Variants in SDK1 observed in about 807,000 individuals in gnomAD.
The protein encoded by SDK1 is sidekick cell adhesion molecule 1, also known as protein sidekick-1.
A neutral mutation model predicts 245.5 loss-of-function variants in SDK1; 157 were observed. The observed-to-expected ratio is 0.64, with a 90% CI of 0.56 to 0.73. SDK1 has a LOEUF of 0.73. Among genes scored for constraint, SDK1 ranks in the 30% least tolerant of loss-of-function variants. The pLI, the probability that SDK1 is intolerant of heterozygous loss-of-function variation, is 0.00. For synonymous variants in SDK1, 1,647 were observed against 1,278.5 expected (o/e 1.29, Z -6.15); for missense variants, 3,583 against 3,002.3 (o/e 1.19, Z -4.52).
intron 1 of SDK1, among the ~76,000 whole-genome samples, chr7:3,490,839 C>T (rs1781843188): frequency 6.6e-6 from 1 of 152,162 alleles, no homozygotes; most frequent in Non-Finnish European, 1.5e-5. Flanking sequence ...ATATACTCTC[C>T]CTTTTCTTGG....
At chr7:3,462,133 G>A (rs1344757821) in intron 1 of SDK1, among the ~76,000 whole-genome samples, 1 of 152,128 alleles carries the variant, frequency 6.6e-6, no homozygotes, top group African/African-American at 2.4e-5. Flanking sequence ...CATTCTATCA[G>A]AATTGCTCTG....
At chr7:3,819,182 T>C (rs1330148294) in intron 4 of SDK1, among the ~76,000 whole-genome samples, 1 of 151,954 alleles carries the variant, frequency 6.6e-6, no homozygotes, top group African/African-American at 2.4e-5. Flanking sequence ...TTAATCTTCA[T>C]GATCTCCAAA....
At chr7:3,448,862 C>G (rs1780426023) in intron 1 of SDK1, among the ~76,000 whole-genome samples, 1 of 152,124 alleles carries the variant, frequency 6.6e-6, no homozygotes, top group African/African-American at 2.4e-5. Context: ...TCTCTTTGCT[C>G]AAATGTCAAA....
At chr7:3,399,652 C>T (rs1778829071) in intron 1 of SDK1, among the ~76,000 whole-genome samples, 1 of 152,102 alleles carries the variant, frequency 6.6e-6, no homozygotes, top group African/African-American at 2.4e-5. Context: ...TTATTTTCTT[C>T]ATTGTGTGGG....
At chr7:3,428,337 G>T (rs997307250) in intron 1 of SDK1, among the ~76,000 whole-genome samples, 2 of 152,182 alleles carry the variant, frequency 1.3e-5, no homozygotes, top group African/African-American at 4.8e-5. Flanking sequence ...TAATTAAACT[G>T]TGGTAACTGA....
intron 4 of SDK1, among the ~76,000 whole-genome samples, chr7:3,722,886 G>A (rs905526674): frequency 6.6e-6 from 1 of 152,188 alleles, no homozygotes; most frequent in Non-Finnish European, 1.5e-5. Flanking sequence ...CAGGACATAT[G>A]CTTTCCCCAA....
intron 21 of SDK1, among the ~76,000 whole-genome samples, chr7:4,077,751 T>C (rs1162027000): frequency 1.3e-5 from 2 of 152,124 alleles, no homozygotes; most frequent in East Asian, 3.9e-4. Context: ...TTATTCACTA[T>C]CATGAGAACA....
chr7:4,219,378 T>C (rs1785010337), intron 38 of SDK1, among the ~76,000 whole-genome samples: 1 of 152,140 alleles, frequency 6.6e-6, no homozygotes, highest in African/African-American at 2.4e-5. Context: ...AGGAAAGAGA[T>C]TTAATGGACT....
At chr7:3,769,928 CTTA>C (rs1780359143) in intron 4 of SDK1, among the ~76,000 whole-genome samples, 1 of 144,004 alleles carries the variant, frequency 6.9e-6, no homozygotes, top group Non-Finnish European at 1.5e-5. Context: ...GTTATTTGTA[CTTA>C]TTGTCTGTGT....
chr7:3,659,598 G>T (rs1783292265), intron 4 of SDK1, among the ~76,000 whole-genome samples: 1 of 152,206 alleles, frequency 6.6e-6, no homozygotes, highest in African/African-American at 2.4e-5. Flanking sequence ...GGACTAGATT[G>T]TGCTGGGTTT....
intron 5 of SDK1, among the ~76,000 whole-genome samples, chr7:3,822,522 C>G (rs1779670828): frequency 6.6e-6 from 1 of 152,120 alleles, no homozygotes; most frequent in African/African-American, 2.4e-5. Context: ...GTGATCCCAG[C>G]AATTTGGGAG....
At chr7:3,911,858 C>G (rs1270695383) in intron 5 of SDK1, among the ~76,000 whole-genome samples, 3 of 152,286 alleles carry the variant, frequency 2.0e-5, no homozygotes, top group African/African-American at 4.8e-5. Flanking sequence ...ATGCTATAAT[C>G]TAGTGCAGGG....
intron 2 of SDK1, among the ~76,000 whole-genome samples, chr7:3,638,086 C>A (rs1782525159): frequency 6.6e-6 from 1 of 152,208 alleles, no homozygotes. Context: ...AATTATATAA[C>A]CTTTCTCATT....
chr7:3,749,992 A>G (rs1779730493), intron 4 of SDK1, among the ~76,000 whole-genome samples: 1 of 152,224 alleles, frequency 6.6e-6, no homozygotes. Context: ...TTGTAATACA[A>G]AGCTCACATA....
chr7:4,132,755 G>T (rs566283020), intron 28 of SDK1, among the ~76,000 whole-genome samples: 69 of 152,174 alleles, frequency 4.5e-4, no homozygotes, highest in Non-Finnish European at 7.6e-4. Flanking sequence ...AGGAGTGATG[G>T]TATTTAAAAG....
chr7:3,338,037 A>G (rs899540592), intron 1 of SDK1: 2 of 165,458 alleles, frequency 1.2e-5, no homozygotes, highest in African/African-American at 4.8e-5. Context: ...GATGTAGTAA[A>G]TATATGCCGC....
At chr7:3,668,735 G>A (rs1783609597) in intron 4 of SDK1, among the ~76,000 whole-genome samples, 1 of 152,236 alleles carries the variant, frequency 6.6e-6, no homozygotes, top group South Asian at 2.1e-4. Context: ...AGTTTGCAGT[G>A]AGCCAAGATG....
intron 10 of SDK1, among the ~76,000 whole-genome samples, chr7:3,968,062 G>C (rs1042216127): frequency 6.6e-6 from 1 of 152,254 alleles, no homozygotes; most frequent in African/African-American, 2.4e-5. Flanking sequence ...GCCTTACCGT[G>C]TCAAGGACTG....
chr7:3,916,996 G>A (rs1382629515), intron 5 of SDK1, among the ~76,000 whole-genome samples: 2 of 152,114 alleles, frequency 1.3e-5, no homozygotes, highest in Non-Finnish European at 2.9e-5. Flanking sequence ...GACTATTCTA[G>A]GCCCAAAAGC....
Sources: gnomAD v4.1 joint callset for allele counts (sites outside exome capture counted in the v4.1 genomes callset) on GRCh38, gnomAD v4.1.1 for gene constraint, MANE v1.5 for transcripts, NCBI Gene and HGNC (gene_info 2026-07-23, HGNC 2026-07-21) for gene names.